Variants in ELL observed in about 807,000 individuals in gnomAD.
ELL encodes the protein elongation factor for RNA polymerase II.
In ELL, 18 loss-of-function variants were observed where a neutral mutation model predicts 64.0. That is an observed-to-expected ratio of 0.28 (90% CI 0.19 to 0.42). The LOEUF is 0.42. Among genes scored for constraint, ELL ranks in the 10% least tolerant of loss-of-function variants. The pLI, the probability that ELL is intolerant of heterozygous loss-of-function variation, is 1.00. For synonymous variants in ELL, 399 were observed against 376.2 expected, an observed-to-expected ratio of 1.06 and a Z score of -0.70; for missense variants, 797 against 870.4, an observed-to-expected ratio of 0.92 and a Z score of 1.06.
At chr19:18,446,703 C>A in intron 9 of ELL, 45 bp downstream of exon 9, 1 of 1,610,984 alleles carries the variant, frequency 6.2e-7, no homozygotes, top group Non-Finnish European at 8.5e-7. Context: ...GGGTCTGAAC[C>A]CAGAAAAGGG....
In ELL at chr19:18,468,356, C is replaced by T. The variant is rs183129872; in HGVS notation, c.184-2438G>A. Among the ~76,000 whole-genome samples, 9 of 152,350 alleles carry T rather than the reference C, an allele frequency of 5.9e-5. 1 individual carries two copies. The highest frequency in any genetic ancestry group is 3.4e-3 in the Middle Eastern group (1 of 294). Reference sequence around the variant, plus strand: ...ACCCTGGCCATCCAGATCTGTCCTGCTTCGACGCCACTGAGGTGTTTTTTC... The same window carrying T: ...ACCCTGGCCATCCAGATCTGTCCTGTTTCGACGCCACTGAGGTGTTTTTTC... On this transcript the variant is annotated intron_variant, in intron 2 of 11. Transcript: ENST00000262809.
At chr19:18,458,121 C>T in intron 6 of ELL, 84 bp downstream of exon 6, 1 of 1,570,606 alleles carries the variant, frequency 6.4e-7, no homozygotes, top group African/African-American at 1.3e-5. Flanking sequence ...CAGGACCACA[C>T]AAGACCACCC....
intron 1 of ELL, among the ~76,000 whole-genome samples, chr19:18,509,439 C>CAGGCAATGT (rs1975950255): frequency 1.3e-5 from 2 of 152,222 alleles, no homozygotes; most frequent in South Asian, 4.1e-4. Context: ...GTCACCCTTC[C>CAGGCAATGT]GAAAGAAGGG....
intron 1 of ELL, among the ~76,000 whole-genome samples, chr19:18,476,718 T>A (rs1427418880): frequency 6.6e-6 from 1 of 152,076 alleles, no homozygotes; most frequent in African/African-American, 2.4e-5. Context: ...CCATGAGAGG[T>A]GGCCGTCATC....
chr19:18,454,296 G>A (rs975416864), intron 6 of ELL, among the ~76,000 whole-genome samples: 2 of 151,428 alleles, frequency 1.3e-5, no homozygotes, highest in Non-Finnish European at 2.9e-5. Flanking sequence ...TCAGGAGATC[G>A]AGACCATCCT....
At chr19:18,465,615 C>T (rs1323773527) in intron 3 of ELL, 40 bp from the exon 4 acceptor site, 1 of 1,552,468 alleles carries the variant, frequency 6.4e-7, no homozygotes, top group Non-Finnish European at 8.8e-7. Context: ...GCAGCTGGGA[C>T]AATGCAGGGA....
chr19:18,476,957 G>A (rs944456322), intron 1 of ELL, among the ~76,000 whole-genome samples: 8 of 152,160 alleles, frequency 5.3e-5, no homozygotes, highest in African/African-American at 1.9e-4. Context: ...TCATAAGAAC[G>A]CCATGTGGTA....
intron 1 of ELL, among the ~76,000 whole-genome samples, chr19:18,480,129 G>T (rs778109112): frequency 8.5e-5 from 13 of 152,212 alleles, no homozygotes; most frequent in Non-Finnish European, 1.6e-4. Flanking sequence ...TACAGAGCTG[G>T]GTCACCCTGC....
At position 18,501,512 on chromosome 19, in the gene ELL, G is replaced by A. The variant is rs1975779628; in HGVS notation, c.135+20409C>T. Among the ~76,000 whole-genome samples, 1 of 152,186 alleles carries A rather than the reference G, an allele frequency of 6.6e-6. No homozygotes were observed. Among genetic ancestry groups the A allele is most frequent in the Non-Finnish European group, 1.5e-5 (1 of 68,026 alleles). ...AGGCCAGCCGGGGCCTTGGAGTGAGGGGCCACTGGCAGAAGGGAGCAAGAC... is the reference window on the plus strand; with the variant it reads ...AGGCCAGCCGGGGCCTTGGAGTGAGAGGCCACTGGCAGAAGGGAGCAAGAC... On this transcript the variant is annotated intron_variant, in intron 1 of 11. Transcript: ENST00000262809. This position sits in a 1 kb window ranked among gnomAD's most constrained non-coding sequence, Gnocchi z 4.5.
At chr19:18,451,424 G>A (rs1974532956) in intron 7 of ELL, 128 bp downstream of exon 7, 3 of 888,144 alleles carry the variant, frequency 3.4e-6, no homozygotes, top group Admixed American at 3.8e-5. Flanking sequence ...CCTGGGCGGA[G>A]GGAGGCGGCT....
intron 6 of ELL, 105 bp from the exon 7 acceptor site, chr19:18,451,753 C>A: frequency 1.2e-6 from 1 of 867,122 alleles, no homozygotes; most frequent in Admixed American, 3.9e-5. Flanking sequence ...AGGAAGGGAC[C>A]CCCCTCCTCC....
At chr19:18,479,810 A>T (rs1237707429) in intron 1 of ELL, among the ~76,000 whole-genome samples, 1 of 152,032 alleles carries the variant, frequency 6.6e-6, no homozygotes, top group Non-Finnish European at 1.5e-5. Context: ...ACACAGACAG[A>T]TGGACGGGGC....
At chr19:18,458,079 C>T in intron 6 of ELL, 126 bp downstream of exon 6, 1 of 1,503,298 alleles carries the variant, frequency 6.7e-7, no homozygotes, top group Non-Finnish European at 8.9e-7. Flanking sequence ...CTACTTGGAC[C>T]CTTCCATCCT....
chr19:18,473,720 G>C (rs548232132), intron 1 of ELL, among the ~76,000 whole-genome samples: 8 of 152,226 alleles, frequency 5.3e-5, no homozygotes, highest in Admixed American at 4.6e-4. Context: ...CCCAACCTGG[G>C]GCCCTAAGCG....
chr19:18,519,873 G>C (rs1015868105), intron 1 of ELL, among the ~76,000 whole-genome samples: 3 of 150,862 alleles, frequency 2.0e-5, no homozygotes, highest in Admixed American at 6.6e-5. Context: ...TTACCAGACA[G>C]CTTTTTGAGA....
intron 1 of ELL, among the ~76,000 whole-genome samples, chr19:18,518,615 AC>A (rs1205823453): frequency 3.3e-5 from 5 of 151,460 alleles, no homozygotes; most frequent in Non-Finnish European, 1.5e-5. Context: ...ACATGGTAAA[AC>A]CCCATCTCTA....
intron 1 of ELL, among the ~76,000 whole-genome samples, chr19:18,488,773 C>T (rs897912512): frequency 1.3e-5 from 2 of 152,192 alleles, no homozygotes; most frequent in Admixed American, 1.3e-4. Context: ...AAGCCAGGTG[C>T]CTTGCTTAAG....
At position 18,501,619 on chromosome 19, in the gene ELL, C is replaced by T. The variant is rs554113558; in HGVS notation, c.135+20302G>A. On this transcript the variant is annotated intron_variant, in intron 1 of 11. Coordinates refer to ENST00000262809, the MANE Select transcript of ELL (RefSeq NM_006532.4). This position sits in a 1 kb window ranked among gnomAD's most constrained non-coding sequence, Gnocchi z 4.5. ...GGGGCCGGCTACTCACGAGTGCACA[C>T]GAGGACAGCCAGGATTCACTAGGAC... Among the ~76,000 whole-genome samples, 2 of 152,326 alleles carry T rather than the reference C, an allele frequency of 1.3e-5. No homozygotes were observed. Among genetic ancestry groups the T allele is most frequent in the Non-Finnish European group, 2.9e-5 (2 of 68,032 alleles).
At chr19:18,451,904 G>A (rs781350156) in intron 6 of ELL, among the ~76,000 whole-genome samples, 3 of 152,216 alleles carry the variant, frequency 2.0e-5, no homozygotes, top group Non-Finnish European at 4.4e-5. Context: ...GCCTGCTACC[G>A]GAGAGACCAG....
Sources: allele counts gnomAD v4.1 joint callset (sites outside exome capture counted in the v4.1 genomes callset), GRCh38; gene constraint gnomAD v4.1.1; non-coding constraint Gnocchi (gnomAD v3.1); transcripts MANE v1.5; gene names NCBI Gene and HGNC (gene_info 2026-07-23, HGNC 2026-07-21).